MGA: variants seen among roughly 807,000 people sequenced by gnomAD.
MGA encodes the protein MAX gene-associated protein.
Under a neutral mutation model 261.1 loss-of-function variants are expected in MGA, and 40 were observed. That is an observed-to-expected ratio of 0.15 (90% CI 0.12 to 0.20). The LOEUF (loss-of-function observed/expected upper bound fraction) is 0.20. Among genes scored for constraint, MGA ranks in the 10% least tolerant of loss-of-function variants. MGA has a pLI of 1.00. For missense variants in MGA, 3,397 were observed against 3,630.5 expected (o/e 0.94, Z 1.65); for synonymous variants, 1,302 against 1,290.6 (o/e 1.01, Z -0.19).
At chr15:41,752,585 C>T (rs1044324878) in intron 17 of MGA, among the ~76,000 whole-genome samples, 21 of 119,668 alleles carry the variant, frequency 1.8e-4, no homozygotes, top group African/African-American at 6.0e-4. Context: ...AACAGAGTCT[C>T]GCTTTGTCGC....
chr15:41,669,515 G>T lies in MGA; in HGVS notation c.621G>T (p.Val207=). 6.2e-7 allele frequency: 1 copy of T among 1,614,006 alleles called. No individual in the cohort carries two copies. The highest frequency in any genetic ancestry group is 8.5e-7 in the Non-Finnish European group (1 of 1,179,902). The change falls in exon 2 of 24, where the codon GTG becomes GTT. Residue 207 remains valine, a synonymous_variant. Coordinates refer to ENST00000219905, the MANE Select transcript of MGA (RefSeq NM_001164273.2). ...GTTACCTGCCGAGGCTTCATTTGGT[G>T]CCTGCAGAAAAGGCTGTGGAGGTGA...
At chr15:41,646,809 G>T (rs1205438911) in intron 1 of MGA, among the ~76,000 whole-genome samples, 1 of 152,096 alleles carries the variant, frequency 6.6e-6, no homozygotes, top group Non-Finnish European at 1.5e-5. Context: ...ATGGGGACCT[G>T]TATTGGTGTC....
intron 2 of MGA, among the ~76,000 whole-genome samples, chr15:41,681,877 A>G (rs1366168328): frequency 2.6e-5 from 4 of 152,012 alleles, no homozygotes; most frequent in African/African-American, 9.7e-5. Flanking sequence ...TAAAAAATAT[A>G]TTTGTAGTTT....
rs546367222 is a variant in MGA, at chr15:41,713,209, A to G, written c.3143A>G (p.Asn1048Ser). 21 of 1,614,030 alleles carry G rather than the reference A, an allele frequency of 1.3e-5. No individual in the cohort carries two copies. In the East Asian group the frequency reaches 4.7e-4, roughly 36 times the overall value. ...ATAAGGAAACGAGCCCCTCCCTGCA[A>G]CAATGACTTCTGTCGACTGGGTTGT... Residue 1048 changes from asparagine (N) to serine (S), a missense_variant, in exon 9 of 24, where the codon AAC becomes AGC. By Grantham distance (46) the Asn-to-Ser change is conservative (BLOSUM62 1). Around this residue, in one of 9 missense-constraint regions of MGA, gnomAD observed 519 missense variants for 554.1 expected, o/e 0.94. Coordinates refer to ENST00000219905, the MANE Select transcript of MGA (RefSeq NM_001164273.2).
At chr15:41,665,560 G>C (rs1383706614) in intron 1 of MGA, among the ~76,000 whole-genome samples, 1 of 152,198 alleles carries the variant, frequency 6.6e-6, no homozygotes, top group African/African-American at 2.4e-5. Context: ...TAGAGATGGA[G>C]TCTCACTGTG....
chr15:41,708,060 G>A, intron 6 of MGA, 44 bp from the exon 7 acceptor site: 1 of 1,483,504 alleles, frequency 6.7e-7, no homozygotes, highest in Non-Finnish European at 9.1e-7. Context: ...CATAATATTG[G>A]CCTGCTAGAA....
chr15:41,637,960 G>A (rs922770355), intron 1 of MGA, among the ~76,000 whole-genome samples: 4 of 148,816 alleles, frequency 2.7e-5, no homozygotes, highest in Admixed American at 6.8e-5. Flanking sequence ...GGCTGGTCTC[G>A]AACTCAGGTG....
At chr15:41,687,922 T>A (rs2059053084) in intron 2 of MGA, among the ~76,000 whole-genome samples, 1 of 152,190 alleles carries the variant, frequency 6.6e-6, no homozygotes, top group Admixed American at 6.5e-5. Context: ...CCCACCGTAT[T>A]TGTGGATTTG....
chr15:41,630,356 C>T (rs1252226636), intron 1 of MGA, among the ~76,000 whole-genome samples: 1 of 152,158 alleles, frequency 6.6e-6, no homozygotes, highest in Non-Finnish European at 1.5e-5. Flanking sequence ...AATACAAAAT[C>T]AGTTGGCATT....
intron 2 of MGA, among the ~76,000 whole-genome samples, chr15:41,670,463 G>A (rs561535712): frequency 1.4e-4 from 22 of 152,222 alleles, no homozygotes; most frequent in African/African-American, 5.3e-4. Context: ...TGGTCAAAGG[G>A]TACAAAGCTT....
At chr15:41,661,574 C>G (rs2057403155) in intron 1 of MGA, among the ~76,000 whole-genome samples, 2 of 152,154 alleles carry the variant, frequency 1.3e-5, no homozygotes, top group South Asian at 4.1e-4. Context: ...GGCAGACCAA[C>G]ACGAGAAACC....
chr15:41,767,396 C>A lies in MGA; in HGVS notation c.*116C>A. ...ACTTGGATCCTTGACTTCAATGATG[C>A]AGTGGATAATGATGGGAGAAAGGGG... On this transcript the variant is annotated 3_prime_UTR_variant, in exon 24 of 24. Coordinates refer to ENST00000219905, the MANE Select transcript of MGA (RefSeq NM_001164273.2). 1 of 1,084,358 alleles carries A rather than the reference C, an allele frequency of 9.2e-7. No homozygotes were observed. Among genetic ancestry groups the A allele is most frequent in the Non-Finnish European group, 1.3e-6 (1 of 753,842 alleles). 67.2% of individuals were successfully genotyped at this position (1,084,358 alleles called of 1,614,324 possible).
chr15:41,649,961 G>A (rs575992609), intron 1 of MGA, among the ~76,000 whole-genome samples: 35 of 152,298 alleles, frequency 2.3e-4, no homozygotes, highest in South Asian at 6.2e-4. Context: ...GATTACAGGC[G>A]TGAGCCACCG....
At chr15:41,707,922 G>T in intron 6 of MGA, 63 bp downstream of exon 6, 1 of 1,558,986 alleles carries the variant, frequency 6.4e-7, no homozygotes, top group Non-Finnish European at 8.7e-7. Flanking sequence ...TATTTGTAAC[G>T]TAAGTAAAAA....
chr15:41,664,556 T>C (rs889565534), intron 1 of MGA, among the ~76,000 whole-genome samples: 4 of 152,226 alleles, frequency 2.6e-5, no homozygotes, highest in Non-Finnish European at 5.9e-5. Flanking sequence ...TTTTTTCATA[T>C]ACTTCTTTGC....
upstream of MGA, among the ~76,000 whole-genome samples, chr15:41,659,381 GT>G (rs1286748495): frequency 2.0e-5 from 3 of 152,144 alleles, no homozygotes; most frequent in Admixed American, 1.3e-4. Context: ...CACATAGCAT[GT>G]CACGTAGTAG....
At position 41,742,763 on chromosome 15, in the gene MGA, C is replaced by T; in HGVS notation, c.4803C>T (p.Thr1601=). The stretch of plus-strand genomic sequence containing the variant: ...TGACTGCTGCTGTCACTACTACCAC[C>T]CCTCAAGTGTTTTTAGAAAATACTA... Residue 1601 remains threonine, a synonymous_variant, in exon 15 of 24, where the codon ACC becomes ACT. Transcript: ENST00000219905. The T allele has an allele frequency of 6.2e-7, 1 of 1,613,952 alleles. No homozygotes were observed. Among genetic ancestry groups the T allele is most frequent in the Non-Finnish European group, 8.5e-7 (1 of 1,179,856 alleles).
intron 12 of MGA, among the ~76,000 whole-genome samples, chr15:41,735,574 T>G (rs1306261342): frequency 6.6e-6 from 1 of 152,038 alleles, no homozygotes; most frequent in African/African-American, 2.4e-5. Context: ...CCGTCTCTAG[T>G]AAAAATACAA....
At chr15:41,762,760 C>A (rs2063555553) in intron 22 of MGA, among the ~76,000 whole-genome samples, 1 of 152,032 alleles carries the variant, frequency 6.6e-6, no homozygotes, top group Admixed American at 6.6e-5. Context: ...TGAGCAACCA[C>A]ACCCAGCCCA....
Sources: gnomAD v4.1 joint callset for allele counts (sites outside exome capture counted in the v4.1 genomes callset) on GRCh38, gnomAD v4.1.1 for gene constraint, gnomAD v4.1.1 regional missense constraint, MANE v1.5 for transcripts, NCBI Gene and HGNC (gene_info 2026-07-23, HGNC 2026-07-21) for gene names.